Variants in RBFOX1 observed in about 807,000 individuals in gnomAD.
RBFOX1 encodes RNA binding protein fox-1 homolog 1.
A neutral mutation model predicts 57.7 loss-of-function variants in RBFOX1; 8 were observed. The observed-to-expected ratio is 0.14, with a 90% CI of 0.08 to 0.25. The LOEUF (loss-of-function observed/expected upper bound fraction) is 0.25. Among genes scored for constraint, RBFOX1 ranks in the 10% least tolerant of loss-of-function variants. RBFOX1 has a pLI of 1.00. For synonymous variants in RBFOX1, 326 were observed against 222.4 expected (o/e 1.47, Z -4.15); for missense variants, 611 against 548.5 (o/e 1.11, Z -1.14).
chr16:6,268,278 C>G (rs995322472), intron 1 of RBFOX1, among the ~76,000 whole-genome samples: 3 of 152,172 alleles, frequency 2.0e-5, no homozygotes, highest in African/African-American at 4.8e-5. Context: ...CATTTCCCTG[C>G]TAGCAGGTAT....
At chr16:7,528,686 A>T (rs1478538753) in intron 5 of RBFOX1, among the ~76,000 whole-genome samples, 1 of 152,116 alleles carries the variant, frequency 6.6e-6, no homozygotes, top group Non-Finnish European at 1.5e-5. Flanking sequence ...AATAGGCATT[A>T]ATCTATTTTG....
intron 3 of RBFOX1, among the ~76,000 whole-genome samples, chr16:6,711,788 T>C (rs2063761051): frequency 6.6e-6 from 1 of 152,208 alleles, no homozygotes; most frequent in South Asian, 2.1e-4. Context: ...TTCGTTTTCT[T>C]TCAAGATCTT....
intron 2 of RBFOX1, among the ~76,000 whole-genome samples, chr16:5,529,491 G>A (rs914977279): frequency 2.0e-5 from 3 of 150,990 alleles, no homozygotes; most frequent in African/African-American, 7.3e-5. Flanking sequence ...CTGCCTCCTA[G>A]GTTCAAGCAA....
intron 2 of RBFOX1, among the ~76,000 whole-genome samples, chr16:5,484,924 T>G (rs531097802): frequency 6.6e-6 from 1 of 151,364 alleles, no homozygotes; most frequent in African/African-American, 2.4e-5. Flanking sequence ...CAGGGCATTG[T>G]GGCACACACC....
chr16:5,455,009 TTC>T (rs2068582285), intron 1 of RBFOX1, among the ~76,000 whole-genome samples: 2 of 114,422 alleles, frequency 1.7e-5, no homozygotes, highest in East Asian at 5.4e-4. Flanking sequence ...CTTTCTTTCT[TTC>T]TTTCTTTCTT....
At chr16:7,055,925 G>C (rs1298762370) in intron 4 of RBFOX1, among the ~76,000 whole-genome samples, 1 of 152,146 alleles carries the variant, frequency 6.6e-6, no homozygotes, top group Non-Finnish European at 1.5e-5. Flanking sequence ...ATTCTGGTTT[G>C]TGGAATTTGA....
chr16:7,261,004 G>A (rs1269711604), intron 4 of RBFOX1, among the ~76,000 whole-genome samples: 1 of 152,140 alleles, frequency 6.6e-6, no homozygotes, highest in African/African-American at 2.4e-5. Flanking sequence ...CACTTCAGGG[G>A]ATGGTGGAAG....
intron 3 of RBFOX1, among the ~76,000 whole-genome samples, chr16:6,910,461 C>T (rs2071276801): frequency 6.6e-6 from 1 of 152,204 alleles, no homozygotes; most frequent in South Asian, 2.1e-4. Flanking sequence ...GGACTTGGCT[C>T]TGTGCCTGAG....
At chr16:6,119,962 T>C (rs1183251037) in intron 1 of RBFOX1, among the ~76,000 whole-genome samples, 1 of 152,236 alleles carries the variant, frequency 6.6e-6, no homozygotes, top group Non-Finnish European at 1.5e-5. Flanking sequence ...CCCCAGCCCT[T>C]AGCAATCACT....
intron 4 of RBFOX1, among the ~76,000 whole-genome samples, chr16:5,876,577 C>A (rs974854052): frequency 6.6e-6 from 1 of 152,184 alleles, no homozygotes; most frequent in African/African-American, 2.4e-5. Flanking sequence ...GCTTCCCCTG[C>A]TACAGCTAAA....
intron 4 of RBFOX1, among the ~76,000 whole-genome samples, chr16:7,176,034 A>T (rs995270444): frequency 6.6e-6 from 1 of 151,936 alleles, no homozygotes; most frequent in Non-Finnish European, 1.5e-5. Flanking sequence ...TCATTTTGAC[A>T]TGTAACCAAG....
At chr16:6,170,601 CTTTTA>C (rs934240428) in intron 1 of RBFOX1, among the ~76,000 whole-genome samples, 7 of 152,048 alleles carry the variant, frequency 4.6e-5, no homozygotes, top group Admixed American at 3.9e-4. Context: ...TTTTTTCAAA[CTTTTA>C]TTTTAGGCTC....
At chr16:6,512,993 A>G (rs1027296823) in intron 2 of RBFOX1, among the ~76,000 whole-genome samples, 1 of 152,210 alleles carries the variant, frequency 6.6e-6, no homozygotes, top group Non-Finnish European at 1.5e-5. Flanking sequence ...TTTTGTTACG[A>G]ATTCCTACTT....
At chr16:6,592,273 T>A (rs2097721929) in intron 2 of RBFOX1, among the ~76,000 whole-genome samples, 1 of 152,226 alleles carries the variant, frequency 6.6e-6, no homozygotes. Flanking sequence ...AGTTGGACAT[T>A]GCATACATAT....
intron 3 of RBFOX1, among the ~76,000 whole-genome samples, chr16:6,988,820 G>A (rs1226953061): frequency 6.6e-6 from 1 of 150,634 alleles, no homozygotes; most frequent in African/African-American, 2.5e-5. Context: ...TGCCCAGGCT[G>A]GAGTGCAATG....
At chr16:7,623,324 T>C (rs2059590295) in intron 10 of RBFOX1, among the ~76,000 whole-genome samples, 1 of 152,180 alleles carries the variant, frequency 6.6e-6, no homozygotes, top group Admixed American at 6.5e-5. Flanking sequence ...TATTATTACA[T>C]TGTAATATAT....
intron 4 of RBFOX1, among the ~76,000 whole-genome samples, chr16:7,484,025 C>T (rs1167017069): frequency 2.0e-5 from 3 of 152,150 alleles, no homozygotes; most frequent in African/African-American, 7.2e-5. Context: ...TAACCCCTGG[C>T]AAGTATTAAT....
intron 3 of RBFOX1, among the ~76,000 whole-genome samples, chr16:6,970,564 G>C (rs937316994): frequency 2.0e-5 from 3 of 152,222 alleles, no homozygotes; most frequent in East Asian, 3.9e-4. Context: ...CTTATAACTG[G>C]TGCCCTGGCG....
chr16:7,004,591 C>T (rs906543391), intron 3 of RBFOX1, among the ~76,000 whole-genome samples: 1 of 152,172 alleles, frequency 6.6e-6, no homozygotes, highest in African/African-American at 2.4e-5. Context: ...CAATGAATTT[C>T]TATTTAATGG....
Sources: allele counts gnomAD v4.1 joint callset (sites outside exome capture counted in the v4.1 genomes callset), GRCh38; gene constraint gnomAD v4.1.1; transcripts MANE v1.5; gene names NCBI Gene and HGNC (gene_info 2026-07-23, HGNC 2026-07-21).